The following FBRSL1 variants were observed in gnomAD, a reference collection of about 807,000 sequenced individuals.
FBRSL1 encodes fibrosin like 1.
FBRSL1 carries 51 observed loss-of-function variants against 89.6 expected under a neutral mutation model. The ratio of observed to expected loss-of-function variants is 0.57; its 90% CI spans 0.45 to 0.72. FBRSL1 has a LOEUF of 0.72. Ranked by LOEUF, FBRSL1 falls within the 30% of genes least tolerant of loss-of-function variation. The pLI, the probability that FBRSL1 is intolerant of heterozygous loss-of-function variation, is 0.00. For synonymous variants in FBRSL1, 779 were observed against 681.1 expected, an observed-to-expected ratio of 1.14 and a Z score of -2.24; for missense variants, 1,618 against 1,451.8, an observed-to-expected ratio of 1.11 and a Z score of -1.86.
At chr12:132,509,638 G>T (rs2034096876) in intron 2 of FBRSL1, 3 of 1,231,774 alleles carry the variant, frequency 2.4e-6, no homozygotes, top group Non-Finnish European at 3.0e-6. Flanking sequence ...TGCCTCTACT[G>T]CCGGCGCCTG....
At chr12:132,504,245 G>GT (rs1046599936) in intron 1 of FBRSL1, among the ~76,000 whole-genome samples, 12 of 152,092 alleles carry the variant, frequency 7.9e-5, no homozygotes, top group South Asian at 6.2e-4. Context: ...CCCAAAGAGG[G>GT]GCAGCAGGGC....
intron 4 of FBRSL1, among the ~76,000 whole-genome samples, chr12:132,535,073 G>A (rs12579122): frequency 6.6e-6 from 1 of 152,376 alleles, no homozygotes; most frequent in East Asian, 1.9e-4. Flanking sequence ...AGTCTGGGGT[G>A]CCCATCAAGC....
Position 132,583,272 on chromosome 12 carries a change from C to T in FBRSL1, c.2503C>T (p.Pro835Ser), listed in dbSNP as rs775167268. 2.3e-6 allele frequency: 3 copies of T among 1,291,566 alleles called. No individual in the cohort carries two copies. Among genetic ancestry groups the T allele is most frequent in the Non-Finnish European group, 2.9e-6 (3 of 1,019,288 alleles). 80.0% of individuals were successfully genotyped at this position (1,291,566 alleles called of 1,614,324 possible). The change falls in exon 19 of 19, where the codon CCC (proline) becomes TCC (serine). Residue 835 changes from proline to serine, a missense_variant. Coordinates refer to ENST00000680143, the MANE Select transcript of FBRSL1 (RefSeq NM_001367871.1). The part of the protein sequence containing the change: ...EPPAGGLHPA[P>S]LQLGLGRERL... ...CCCGGCGGGCGGCCTGCACCCCGCG[C>T]CCCTGCAGCTCGGCCTGGGCCGCGA...
At chr12:132,510,769 T>C (rs1199019584) in intron 2 of FBRSL1, 1 of 1,165,188 alleles carries the variant, frequency 8.6e-7, no homozygotes, top group African/African-American at 1.6e-5. Flanking sequence ...TTGCTGCCTG[T>C]GGTGTGCGTG....
intron 1 of FBRSL1, among the ~76,000 whole-genome samples, chr12:132,498,134 G>T (rs1472821638): frequency 6.6e-6 from 1 of 152,176 alleles, no homozygotes; most frequent in Non-Finnish European, 1.5e-5. Context: ...AGCCTGGGGA[G>T]GTGGCTGGCA....
chr12:132,555,723 G>A (rs1040687759), intron 5 of FBRSL1, among the ~76,000 whole-genome samples: 1 of 152,170 alleles, frequency 6.6e-6, no homozygotes, highest in Non-Finnish European at 1.5e-5. Context: ...GCCCCTGTCC[G>A]TCCTCACATG....
At chr12:132,561,276 G>T (rs1338372134) in intron 5 of FBRSL1, among the ~76,000 whole-genome samples, 2 of 152,214 alleles carry the variant, frequency 1.3e-5, no homozygotes, top group African/African-American at 4.8e-5. Flanking sequence ...GTGCTGGATG[G>T]CCCCAGCCGC....
intron 2 of FBRSL1, among the ~76,000 whole-genome samples, chr12:132,512,798 G>A (rs1370393084): frequency 6.6e-6 from 1 of 152,228 alleles, no homozygotes; most frequent in East Asian, 1.9e-4. Context: ...GCTGAGGAGA[G>A]CTGGAAACTG....
chr12:132,537,905 A>G (rs1366358721), intron 4 of FBRSL1, among the ~76,000 whole-genome samples: 1 of 152,202 alleles, frequency 6.6e-6, no homozygotes, highest in Non-Finnish European at 1.5e-5. Context: ...GCTGGGTGGG[A>G]TCAGGGTCCT....
chr12:132,562,404 G>A (rs972602643), intron 5 of FBRSL1, among the ~76,000 whole-genome samples: 10 of 152,262 alleles, frequency 6.6e-5, no homozygotes, highest in African/African-American at 2.2e-4. Flanking sequence ...GGGTGCCGGG[G>A]TCTCCTAGCT....
intron 4 of FBRSL1, among the ~76,000 whole-genome samples, chr12:132,538,597 C>T (rs1472001633): frequency 2.0e-5 from 3 of 152,214 alleles, no homozygotes; most frequent in East Asian, 1.9e-4. Context: ...CGCAGGCGGG[C>T]GCACAGCCCA....
intron 18 of FBRSL1, 107 bp downstream of exon 18, chr12:132,582,373 TCCTCTCCCTCACCGTTC>T: frequency 2.3e-6 from 2 of 871,764 alleles, no homozygotes; most frequent in South Asian, 1.7e-5. Context: ...TCTCCCCGTT[TCCTCTCCCTCACCGTTC>T]CCCCTCCCCC....
chr12:132,541,781 C>T (rs145550424), intron 4 of FBRSL1, among the ~76,000 whole-genome samples: 467 of 152,384 alleles, frequency 3.1e-3, no homozygotes, highest in African/African-American at 0.01. Flanking sequence ...CCCGAGCGTG[C>T]GGCCCAAATG....
Position 132,509,547 on chromosome 12 carries a change from C to T in FBRSL1, c.489+1197C>T, listed in dbSNP as rs545525238. ...CCCAGGCCCCAGGCAGTGCTGCAGGCGCCTGCGGTCCCTGCTGACCCCGTG... is the reference window on the plus strand; with the variant it reads ...CCCAGGCCCCAGGCAGTGCTGCAGGTGCCTGCGGTCCCTGCTGACCCCGTG... On this transcript the variant is annotated intron_variant, in intron 2 of 18. Coordinates refer to ENST00000680143, the MANE Select transcript of FBRSL1 (RefSeq NM_001367871.1). 3.1e-5 allele frequency: 38 copies of T among 1,233,468 alleles called. No individual in the cohort carries two copies. The South Asian group carries it at 9.0e-4, about 29-fold the overall frequency. The allele number at this position is 1,233,468 out of a possible 1,614,324, so 76.4% of individuals were successfully genotyped here.
At chr12:132,531,526 T>C (rs2036277968) in intron 4 of FBRSL1, among the ~76,000 whole-genome samples, 1 of 151,358 alleles carries the variant, frequency 6.6e-6, no homozygotes, top group Non-Finnish European at 1.5e-5. Flanking sequence ...GTGTCACGGG[T>C]TCCTCTCTGG....
In FBRSL1 at chr12:132,582,896, C is replaced by T. The variant is rs1377838470; in HGVS notation, c.2202-75C>T. 1.2e-5 allele frequency: 14 copies of T among 1,215,410 alleles called. No homozygotes were observed. In the South Asian group the frequency reaches 1.7e-4, roughly 15 times the overall value. The allele number at this position is 1,215,410 out of a possible 1,614,324, so 75.3% of individuals were successfully genotyped here. A position where few individuals can be genotyped will look rare whatever the true frequency, so the allele number is the denominator to read the frequency against. ...AGAAACTGGAGGCCCCGACAAGCAA[C>T]GGGAACATCCCGGGGCTGCGCCGCG... On this transcript the variant is annotated intron_variant, in intron 18 of 18. Coordinates refer to ENST00000680143, the MANE Select transcript of FBRSL1 (RefSeq NM_001367871.1).
intron 3 of FBRSL1, among the ~76,000 whole-genome samples, chr12:132,527,056 C>A (rs886903786): frequency 2.6e-5 from 4 of 152,154 alleles, no homozygotes; most frequent in Admixed American, 1.3e-4. Context: ...CCAGAGTGTG[C>A]CCTGATGTCT....
chr12:132,572,476 G>C (rs769198659), intron 10 of FBRSL1, 51 bp from the exon 11 acceptor site: 1 of 1,501,032 alleles, frequency 6.7e-7, no homozygotes, highest in Non-Finnish European at 9.1e-7. Context: ...ACAGGCAGAG[G>C]GTGGGGTGAG....
intron 1 of FBRSL1, among the ~76,000 whole-genome samples, chr12:132,501,632 A>G (rs1197522637): frequency 6.6e-6 from 1 of 152,130 alleles, no homozygotes; most frequent in Non-Finnish European, 1.5e-5. Flanking sequence ...GGCCTTGGAC[A>G]GGAGTGAGAG....
Sources: gnomAD v4.1 joint callset for allele counts (sites outside exome capture counted in the v4.1 genomes callset) on GRCh38, gnomAD v4.1.1 for gene constraint, MANE v1.5 for transcripts, NCBI Gene and HGNC (gene_info 2026-07-23, HGNC 2026-07-21) for gene names.